CPM: variants seen among roughly 807,000 people sequenced by gnomAD.
CPM encodes renal carboxypeptidase.
Under a neutral mutation model 46.4 loss-of-function variants are expected in CPM, and 35 were observed. That is an observed-to-expected ratio of 0.75 (90% CI 0.58 to 1.00). The LOEUF is 1.00. Among genes scored for constraint, CPM ranks in the 50% least tolerant of loss-of-function variants. The pLI, the probability that CPM is intolerant of heterozygous loss-of-function variation, is 0.00. For synonymous variants in CPM, 195 were observed against 195.3 expected (o/e 1.00, Z 0.01); for missense variants, 422 against 530.4 (o/e 0.80, Z 2.01).
intron 2 of CPM, among the ~76,000 whole-genome samples, chr12:68,925,202 C>A (rs1386627427): frequency 6.6e-6 from 1 of 151,944 alleles, no homozygotes; most frequent in Non-Finnish European, 1.5e-5. Flanking sequence ...AATTATAAAT[C>A]AACACAATCT....
At chr12:68,872,022 G>T (rs779639489) in intron 3 of CPM, 66 bp from the exon 4 acceptor site, 1 of 1,542,056 alleles carries the variant, frequency 6.5e-7, no homozygotes, top group East Asian at 2.3e-5. Flanking sequence ...CACTCCCTAC[G>T]GTACAAATTC....
Position 68,852,231 on chromosome 12 carries a change from C to T in CPM, c.*4206G>A, listed in dbSNP as rs1884727868. 1 of 152,242 alleles carries T rather than the reference C, an allele frequency of 6.6e-6. No homozygotes were observed. 9.4% of individuals were successfully genotyped at this position (152,242 alleles called of 1,614,324 possible). On this transcript the variant is annotated 3_prime_UTR_variant, in exon 9 of 9. Coordinates refer to ENST00000551568, the MANE Select transcript of CPM (RefSeq NM_198320.5). ...TCTGAATGTAATTAAGCATCCAAAT[C>T]AACACTGTCATTTATCTGCAGGGAC...
At chr12:68,936,703 G>A (rs1311055351), upstream of CPM, among the ~76,000 whole-genome samples, 4 of 152,158 alleles carry the variant, frequency 2.6e-5, no homozygotes, top group African/African-American at 9.7e-5. Context: ...ATCTTTCTAA[G>A]TATGGCACCA....
At chr12:68,934,433 C>G (rs146676122), upstream of CPM, among the ~76,000 whole-genome samples, 5 of 152,214 alleles carry the variant, frequency 3.3e-5, no homozygotes, top group South Asian at 1.0e-3. Context: ...CCTAGAATTG[C>G]GCACTCAGGA....
chr12:68,953,709 C>T (rs1888971493), intron 1 of CPM, among the ~76,000 whole-genome samples: 1 of 152,232 alleles, frequency 6.6e-6, no homozygotes, highest in East Asian at 1.9e-4. Context: ...CTACTTGTGA[C>T]TCATCTGTGT....
chr12:68,900,639 A>G (rs1023181529), intron 2 of CPM, among the ~76,000 whole-genome samples: 1 of 152,212 alleles, frequency 6.6e-6, no homozygotes, highest in African/African-American at 2.4e-5. Context: ...GTCCTTCAGT[A>G]GGTGAGGGGA....
intron 8 of CPM, among the ~76,000 whole-genome samples, chr12:68,857,311 C>T (rs1334387040): frequency 6.6e-6 from 1 of 152,020 alleles, no homozygotes; most frequent in Non-Finnish European, 1.5e-5. Flanking sequence ...CAGGTGCATA[C>T]CACCATGCCC....
rs956131552 is a variant in CPM at position 68,855,572 on chromosome 12, C to G, written c.*865G>C. 1 of 152,020 alleles carries G rather than the reference C, an allele frequency of 6.6e-6. No homozygotes were observed. The highest frequency in any genetic ancestry group is 2.4e-5 in the African/African-American group (1 of 41,388). The allele number at this position is 152,020 out of a possible 1,614,324, so 9.4% of individuals were successfully genotyped here. A position where few individuals can be genotyped will look rare whatever the true frequency, so the allele number is the denominator to read the frequency against. On this transcript the variant is annotated 3_prime_UTR_variant, in exon 9 of 9. Transcript: ENST00000551568. The stretch of plus-strand genomic sequence containing the variant: ...CCCTTCAGGCCTGTATTTTCTTGGG[C>G]CACTAAGATGTGGTTACATATTTTC...
At chr12:68,962,210 A>AAAAAAAAAC (rs1889134457) in intron 1 of CPM, among the ~76,000 whole-genome samples, 2 of 146,006 alleles carry the variant, frequency 1.4e-5, no homozygotes, top group African/African-American at 2.7e-5. Context: ...AAAAAAAAAA[A>AAAAAAAAAC]AAAAAAAACC....
intron 3 of CPM, among the ~76,000 whole-genome samples, chr12:68,877,074 G>A (rs781380479): frequency 6.6e-6 from 1 of 152,276 alleles, no homozygotes; most frequent in East Asian, 1.9e-4. Flanking sequence ...TGTCTGACCT[G>A]CCTAGCTAAT....
intron 7 of CPM, among the ~76,000 whole-genome samples, chr12:68,864,301 G>A (rs913146285): frequency 6.6e-6 from 1 of 152,068 alleles, no homozygotes; most frequent in African/African-American, 2.4e-5. Context: ...AAATTAGCCG[G>A]GCATGATGGT....
intron 1 of CPM, among the ~76,000 whole-genome samples, chr12:68,954,799 A>G (rs1278279659): frequency 6.6e-6 from 1 of 152,214 alleles, no homozygotes; most frequent in Non-Finnish European, 1.5e-5. Context: ...TGATCATGAG[A>G]AATGCAAACT....
At chr12:68,919,301 GT>G (rs1224068344) in intron 2 of CPM, among the ~76,000 whole-genome samples, 5 of 152,194 alleles carry the variant, frequency 3.3e-5, no homozygotes, top group Non-Finnish European at 7.3e-5. Flanking sequence ...CACAGTAACT[GT>G]CACTCTCCAT....
chr12:68,925,765 T>C (rs980990206), intron 2 of CPM, among the ~76,000 whole-genome samples: 1 of 152,176 alleles, frequency 6.6e-6, no homozygotes, highest in Non-Finnish European at 1.5e-5. Flanking sequence ...GAATTCCTTT[T>C]GTACGCAGGA....
At chr12:68,915,853 T>C (rs1887782870) in intron 2 of CPM, among the ~76,000 whole-genome samples, 1 of 152,240 alleles carries the variant, frequency 6.6e-6, no homozygotes, top group Non-Finnish European at 1.5e-5. Flanking sequence ...CATCAATTTC[T>C]TCATCTGTAA....
At chr12:68,912,144 A>G (rs982646496) in intron 2 of CPM, among the ~76,000 whole-genome samples, 2 of 152,144 alleles carry the variant, frequency 1.3e-5, no homozygotes, top group African/African-American at 4.8e-5. Context: ...AGTAGCTGGG[A>G]TTACAGGCAT....
At chr12:68,930,129 G>A (rs1214690053) in intron 2 of CPM, among the ~76,000 whole-genome samples, 1 of 152,138 alleles carries the variant, frequency 6.6e-6, no homozygotes, top group Non-Finnish European at 1.5e-5. Context: ...CACCCAGGCT[G>A]GAGTGCAGTG....
chr12:68,923,865 A>T (rs1003501945), intron 2 of CPM, among the ~76,000 whole-genome samples: 1 of 152,180 alleles, frequency 6.6e-6, no homozygotes, highest in African/African-American at 2.4e-5. Context: ...ACAAAATATA[A>T]TTTCCCCTCA....
At chr12:68,940,997 C>T (rs565115756) in intron 1 of CPM, among the ~76,000 whole-genome samples, 4 of 152,266 alleles carry the variant, frequency 2.6e-5, no homozygotes, top group East Asian at 3.9e-4. Context: ...CACCTTTTCT[C>T]TCTCTCTCCT....
Sources: gnomAD v4.1 joint callset for allele counts (sites outside exome capture counted in the v4.1 genomes callset) on GRCh38, gnomAD v4.1.1 for gene constraint, MANE v1.5 for transcripts, NCBI Gene and HGNC (gene_info 2026-07-23, HGNC 2026-07-21) for gene names.